The following EML3 variants were observed in gnomAD, a reference collection of about 807,000 sequenced individuals.
The protein encoded by EML3 is echinoderm microtubule-associated protein-like 3.
Under a neutral mutation model 106.7 loss-of-function variants are expected in EML3, and 53 were observed. The ratio of observed to expected loss-of-function variants is 0.50; its 90% CI spans 0.40 to 0.62. EML3 has a LOEUF of 0.62. Among genes scored for constraint, EML3 ranks in the 20% least tolerant of loss-of-function variants. The pLI is 0.00. For synonymous variants in EML3, 499 were observed against 489.6 expected, an observed-to-expected ratio of 1.02 and a Z score of -0.25; for missense variants, 994 against 1,209.1, an observed-to-expected ratio of 0.82 and a Z score of 2.64.
chr11:62,607,939 C>T, intron 10 of EML3, 118 bp from the exon 11 acceptor site: 2 of 1,247,396 alleles, frequency 1.6e-6, no homozygotes, highest in Non-Finnish European at 1.1e-6. Context: ...CCCAGGACAA[C>T]CCTTCTTTCA....
At chr11:62,611,667 C>T in intron 1 of EML3, 71 bp from the exon 2 acceptor site, 1 of 1,498,090 alleles carries the variant, frequency 6.7e-7, no homozygotes. Flanking sequence ...ATTCTGTCTC[C>T]CCACAACTTT....
chr11:62,606,036 C>T (rs1374934898), intron 13 of EML3, 27 bp downstream of exon 13: 1 of 1,613,348 alleles, frequency 6.2e-7, no homozygotes, highest in Admixed American at 1.7e-5. Flanking sequence ...TTCTCCCTCA[C>T]TCCCTTGACC....
At position 62,612,464 on chromosome 11, in the gene EML3, C is replaced by T; in HGVS notation, c.-7G>A. 1 of 1,452,166 alleles carries T rather than the reference C, an allele frequency of 6.9e-7. No homozygotes were observed. The highest frequency in any genetic ancestry group is 9.0e-7 in the Non-Finnish European group (1 of 1,110,168). 90.0% of individuals were successfully genotyped at this position (1,452,166 alleles called of 1,614,324 possible). A position where few individuals can be genotyped will look rare whatever the true frequency, so the allele number is the denominator to read the frequency against. ...GCCCCGCGGCCCCGTCCATCCGGCC[C>T]CCGGGTTGCTCCGAGCGGCGGCGGC... On this transcript the variant is annotated 5_prime_UTR_variant, in exon 1 of 22. Transcript: ENST00000394773.
At chr11:62,610,849 C>T (rs368247305) in intron 4 of EML3, 30 bp downstream of exon 4, 64 of 1,539,782 alleles carry the variant, frequency 4.2e-5, no homozygotes, top group Admixed American at 2.9e-4. Context: ...GCGCCTGGGG[C>T]GGGGTGGGTT....
rs752998151 is a variant in EML3 at position 62,611,329 on chromosome 11, TG to T, written c.209del (p.Pro70GlnfsTer12). On this transcript the variant is annotated frameshift_variant, in exon 3 of 22. Coordinates refer to ENST00000394773, the MANE Select transcript of EML3 (RefSeq NM_153265.3). LOFTEE classifies it high-confidence loss of function. ...APPGDSLAAP[P>X]GLPPTCTPSL... ...AAGGGGTGCACGTGGGTGGCAGTCCTGGGGGGGCTGCAAGACTGCTGGAGAG... is the reference window on the plus strand; with the variant it reads ...AAGGGGTGCACGTGGGTGGCAGTCCTGGGGGGCTGCAAGACTGCTGGAGAG... 1 of 1,612,724 alleles carries T rather than the reference TG, an allele frequency of 6.2e-7. No homozygotes were observed. Among genetic ancestry groups the T allele is most frequent in the Non-Finnish European group, 8.5e-7 (1 of 1,179,764 alleles).
In EML3 at chr11:62,612,406, G is replaced by C. The variant is rs1241588573; in HGVS notation, c.22+30C>G. 3 of 1,500,716 alleles carry C rather than the reference G, an allele frequency of 2.0e-6. No homozygotes were observed. In the East Asian group the frequency reaches 8.3e-5, roughly 42 times the overall value. 93.0% of individuals were successfully genotyped at this position (1,500,716 alleles called of 1,614,324 possible). A position where few individuals can be genotyped will look rare whatever the true frequency, so the allele number is the denominator to read the frequency against. ...CGACGAGCCGGGCGCTCCGGGAAGG[G>C]GCACGCCGCCCGCCCCGCCCCGTAC... On this transcript the variant is annotated intron_variant, in intron 1 of 21. Coordinates refer to ENST00000394773, the MANE Select transcript of EML3 (RefSeq NM_153265.3).
In EML3 at chr11:62,612,417, C is replaced by T. The variant is rs1232360524; in HGVS notation, c.22+19G>A. On this transcript the variant is annotated intron_variant, in intron 1 of 21. Coordinates refer to ENST00000394773, the MANE Select transcript of EML3 (RefSeq NM_153265.3). ...GCGCTCCGGGAAGGGGCACGCCGCC[C>T]GCCCCGCCCCGTACTCACCGGGCCC... The T allele has an allele frequency of 1.2e-5, 18 of 1,499,212 alleles. No individual in the cohort carries two copies. Among genetic ancestry groups the T allele is most frequent in the Non-Finnish European group, 1.6e-5 (18 of 1,129,850 alleles). 92.9% of individuals were successfully genotyped at this position (1,499,212 alleles called of 1,614,324 possible). A position where few individuals can be genotyped will look rare whatever the true frequency, so the allele number is the denominator to read the frequency against.
At chr11:62,609,331 T>C (rs1219752247) in intron 6 of EML3, 23 bp downstream of exon 6, 1 of 1,542,918 alleles carries the variant, frequency 6.5e-7, no homozygotes, top group Non-Finnish European at 8.7e-7. Context: ...GTGGTTCTCA[T>C]GGGACTGGAA....
At chr11:62,611,647 C>G in intron 1 of EML3, 51 bp from the exon 2 acceptor site, 1 of 1,555,496 alleles carries the variant, frequency 6.4e-7, no homozygotes, top group South Asian at 1.2e-5. Context: ...CTGAAGAAAG[C>G]GTAGAGGGGA....
At chr11:62,607,587 T>C in intron 11 of EML3, 79 bp downstream of exon 11, 1 of 1,466,042 alleles carries the variant, frequency 6.8e-7, no homozygotes. Flanking sequence ...TTAGGGAACC[T>C]CAGGGTCCAT....
At chr11:62,610,825 A>G (rs778388610) in intron 4 of EML3, 54 bp downstream of exon 4, 2 of 1,481,794 alleles carry the variant, frequency 1.3e-6, no homozygotes, top group South Asian at 1.2e-5. Context: ...AGGGATATGG[A>G]AAGTCGAGAG....
chr11:62,608,520 A>G (rs371552917), intron 9 of EML3, 22 bp downstream of exon 9: 196 of 1,607,590 alleles, frequency 1.2e-4, no homozygotes, highest in Non-Finnish European at 1.4e-4. Flanking sequence ...ATGGGGGTCT[A>G]GAGGCTTCAG....
intron 19 of EML3, 125 bp from the exon 20 acceptor site, chr11:62,603,372 T>C (rs1942343443): frequency 2.4e-6 from 2 of 850,728 alleles, no homozygotes. Context: ...GTCACCGTAG[T>C]AGCATCACCT....
At position 62,609,692 on chromosome 11, in the gene EML3, C is replaced by G. The variant is rs755319963; in HGVS notation, c.571G>C (p.Gly191Arg). The G allele has an allele frequency of 6.3e-7, 1 of 1,599,186 alleles. No homozygotes were observed. The highest frequency in any genetic ancestry group is 8.5e-7 in the Non-Finnish European group (1 of 1,173,600). Residue 191 changes from glycine to arginine, a missense_variant, in exon 5 of 22, where the codon GGG becomes CGG. Physicochemically the swap from Gly to Arg is moderately radical, Grantham distance 125 (BLOSUM62 -2). Around this residue, in one of 3 missense-constraint regions of EML3, gnomAD observed 269 missense variants for 265.1 expected, o/e 1.01. Transcript: ENST00000394773. ...GGGCTGGAGAGGGGGTCTTTTCCCC[C>G]ACGGCTGTTGGGAAGAGAGAAAGCA... ...LVRSGSTESR[G>R]GKDPLSSPGG...
In EML3 at chr11:62,605,965, C is replaced by T. The variant is rs566313557; in HGVS notation, c.1672G>A (p.Gly558Arg). 1 of 1,614,162 alleles carries T rather than the reference C, an allele frequency of 6.2e-7. No individual in the cohort carries two copies. The stretch of plus-strand genomic sequence containing the variant: ...CCTTCAGCAATGGCTCGCACGGCCC[C>T]GAAGTGCTCGGGAATCTGCAGAGTG... The part of the protein sequence containing the change: ...LQEAEIPEHF[G>R]AVRAIAEGLG... The change falls in exon 14 of 22, where the codon GGG (glycine) becomes AGG (arginine). Residue 558 changes from glycine (G) to arginine (R), a missense_variant. Gly to Arg is a moderately radical substitution (Grantham distance 125). Around this residue, in one of 3 missense-constraint regions of EML3, gnomAD observed 713 missense variants for 920.5 expected, o/e 0.77. Coordinates refer to ENST00000394773, the MANE Select transcript of EML3 (RefSeq NM_153265.3). The surrounding 1 kb of genome is among the most constrained non-coding windows in gnomAD (Gnocchi z 5.2).
At position 62,611,166 on chromosome 11, in the gene EML3, C is replaced by T. The variant is rs752311546; in HGVS notation, c.373G>A (p.Gly125Ser). The T allele has an allele frequency of 6.2e-7, 1 of 1,604,572 alleles. No individual in the cohort carries two copies. Among genetic ancestry groups the T allele is most frequent in the Non-Finnish European group, 8.5e-7 (1 of 1,178,818 alleles). ...GAGCCAGCACCACTGCTGCTGCTGC[C>T]CCCTCCTTCAGATTGGGTCCCGCTA... The part of the protein sequence containing the change: ...EPSGTQSEGG[G>S]SSSSGAGSPG... The change falls in exon 3 of 22, where the codon GGC becomes AGC. Residue 125 changes from glycine (G) to serine (S), a missense_variant. Gly to Ser is a moderately conservative substitution (Grantham distance 56). This residue lies in a region of EML3 where 269 missense variants were observed against 265.1 expected (regional missense o/e 1.01). Transcript: ENST00000394773.
intron 1 of EML3, 122 bp from the exon 2 acceptor site, chr11:62,611,718 G>T: frequency 8.7e-7 from 1 of 1,148,666 alleles, no homozygotes; most frequent in Non-Finnish European, 1.2e-6. Context: ...GCAGCCCCAG[G>T]CTTGAATGCT....
Position 62,612,743 on chromosome 11 carries a change from A to T in EML3, c.-286T>A. 2.9e-6 allele frequency: 1 copy of T among 341,936 alleles called. No individual in the cohort carries two copies. Among genetic ancestry groups the T allele is most frequent in the Non-Finnish European group, 5.2e-6 (1 of 191,204 alleles). The allele number at this position is 341,936 out of a possible 1,614,324, so 21.2% of individuals were successfully genotyped here. On this transcript the variant is annotated 5_prime_UTR_variant, in exon 1 of 22. Coordinates refer to ENST00000394773, the MANE Select transcript of EML3 (RefSeq NM_153265.3). ...GTCCGGTGCCACAGCGCCGCAGCAC[A>T]AACAGGCGCCGGACGCGGAGCCGCC...
chr11:62,612,709 G>A lies in EML3; in HGVS notation c.-252C>T, dbSNP rs1461921771. On this transcript the variant is annotated 5_prime_UTR_variant, in exon 1 of 22. Transcript: ENST00000394773. ...CGCTCTCGGCTCCCGGGGGTGGGGT[G>A]GCAGGGCCGTCCGGTGCCACAGCGC... 8.1e-6 allele frequency: 3 copies of A among 369,992 alleles called. No homozygotes were observed. Among genetic ancestry groups the A allele is most frequent in the African/African-American group, 4.3e-5 (2 of 47,052 alleles). 22.9% of individuals were successfully genotyped at this position (369,992 alleles called of 1,614,324 possible).
Sources: gnomAD v4.1 joint callset for allele counts on GRCh38, gnomAD v4.1.1 for gene constraint, gnomAD v4.1.1 regional missense constraint, Gnocchi (gnomAD v3.1) non-coding constraint, MANE v1.5 for transcripts, NCBI Gene and HGNC (gene_info 2026-07-23, HGNC 2026-07-21) for gene names.